The following RC3H1 variants were observed in gnomAD, a reference collection of about 807,000 sequenced individuals.
The protein encoded by RC3H1 is roquin-1.
Under a neutral mutation model 138.2 loss-of-function variants are expected in RC3H1, and 50 were observed. That is an observed-to-expected ratio of 0.36 (90% CI 0.29 to 0.46). The LOEUF (loss-of-function observed/expected upper bound fraction) is 0.46, where lower values mean the gene tolerates loss of function less well. RC3H1 is among the 20% of genes least tolerant of loss of function. The pLI, the probability that RC3H1 is intolerant of heterozygous loss-of-function variation, is 1.00. For missense variants in RC3H1, 1,031 were observed against 1,388.1 expected (o/e 0.74, Z 4.09); for synonymous variants, 462 against 489.1 (o/e 0.94, Z 0.73).
intron 2 of RC3H1, among the ~76,000 whole-genome samples, chr1:173,987,459 T>C (rs992055379): frequency 1.3e-5 from 2 of 152,218 alleles, no homozygotes; most frequent in Admixed American, 1.3e-4. Context: ...GCCTTTGATA[T>C]AGCCCCCATT....
rs1247048174 is a variant in RC3H1, at chr1:173,936,759, ATATTTTTTT to A, written c.*1953_*1961del. Reference sequence around the variant, plus strand: ...TATATATATATATATATATATATATATATTTTTTTTTTTTTTTTTAAAAAAAGAAGACAA... The same window carrying A: ...TATATATATATATATATATATATATATTTTTTTTTTAAAAAAAGAAGACAA... On this transcript the variant is annotated 3_prime_UTR_variant, in exon 20 of 20. Coordinates refer to ENST00000367696, the MANE Select transcript of RC3H1 (RefSeq NM_172071.4). The A allele has an allele frequency of 1.4e-4, 3 of 20,790 alleles. No homozygotes were observed. In the African/African-American group the frequency reaches 2.3e-3, roughly 16 times the overall value. The allele number at this position is 20,790 out of a possible 1,614,324, so 1.3% of individuals were successfully genotyped here.
At chr1:174,003,385 TCACACACACACACACACACA>T (rs3220994) in intron 1 of RC3H1, among the ~76,000 whole-genome samples, 1 of 143,224 alleles carries the variant, frequency 7.0e-6, no homozygotes, top group African/African-American at 2.6e-5. Context: ...AAGACTCCTA[TCACACACACACACACACACA>T]CACACACACA....
chr1:173,962,134 G>A (rs986063507), intron 11 of RC3H1, 39 bp from the exon 12 acceptor site: 1 of 1,532,862 alleles, frequency 6.5e-7, no homozygotes, highest in Non-Finnish European at 8.8e-7. Flanking sequence ...CAAATAATGA[G>A]CCAATTTAGT....
chr1:173,999,778 T>C (rs1443092956), intron 1 of RC3H1, among the ~76,000 whole-genome samples: 1 of 152,226 alleles, frequency 6.6e-6, no homozygotes, highest in Admixed American at 6.5e-5. Context: ...AAAACTAGGA[T>C]ATTATACTTT....
intron 14 of RC3H1, 59 bp from the exon 15 acceptor site, chr1:173,947,641 T>G: frequency 7.7e-7 from 1 of 1,307,082 alleles, no homozygotes; most frequent in Non-Finnish European, 1.1e-6. Flanking sequence ...TAACCTAATT[T>G]TTTCTAGATC....
chr1:174,015,279 C>A (rs1397575845), intron 1 of RC3H1, among the ~76,000 whole-genome samples: 8 of 142,490 alleles, frequency 5.6e-5, no homozygotes, highest in African/African-American at 1.8e-4. Context: ...ACTTCTTAAT[C>A]TAAACTGAGA....
At chr1:173,970,043 T>C (rs1221933720) in intron 9 of RC3H1, among the ~76,000 whole-genome samples, 2 of 152,214 alleles carry the variant, frequency 1.3e-5, no homozygotes, top group Non-Finnish European at 2.9e-5. Flanking sequence ...AAAAATTATG[T>C]ACAGGTTGAA....
At position 173,993,118 on chromosome 1, in the gene RC3H1, C is replaced by T; in HGVS notation, c.-133G>A. Reference sequence around the variant, plus strand: ...ATATCTTCTGTAGATACAGTCAGCACATAGTGTGAAATATAACCTGAAAAT... The same window carrying T: ...ATATCTTCTGTAGATACAGTCAGCATATAGTGTGAAATATAACCTGAAAAT... On this transcript the variant is annotated 5_prime_UTR_variant, in exon 2 of 20. It adds an upstream start codon to the 5' untranslated region. Coordinates refer to ENST00000367696, the MANE Select transcript of RC3H1 (RefSeq NM_172071.4). The T allele has an allele frequency of 1.5e-6, 1 of 646,156 alleles. No individual in the cohort carries two copies. Among genetic ancestry groups the T allele is most frequent in the Admixed American group, 2.9e-5 (1 of 34,104 alleles). The allele number at this position is 646,156 out of a possible 1,614,324, so 40.0% of individuals were successfully genotyped here.
intron 1 of RC3H1, among the ~76,000 whole-genome samples, chr1:173,999,367 CA>C (rs1325476473): frequency 8.6e-6 from 1 of 116,696 alleles, no homozygotes; most frequent in African/African-American, 3.9e-5. Flanking sequence ...GCAATGAGAG[CA>C]AAACTCCACC....
chr1:173,981,378 A>G (rs754014101), intron 5 of RC3H1, among the ~76,000 whole-genome samples: 1 of 152,226 alleles, frequency 6.6e-6, no homozygotes, highest in Non-Finnish European at 1.5e-5. Context: ...AAATGCCCCA[A>G]TGAGCATGTG....
intron 1 of RC3H1, among the ~76,000 whole-genome samples, chr1:174,004,651 CA>C (rs5778791): frequency 0.45 from 50,380 of 111,234 alleles, 11,635 homozygotes; most frequent in African/African-American, 0.7. Context: ...ACTAAAAATA[CA>C]AAAAAAAAAA....
chr1:173,961,385 CA>C (rs1454982818), intron 12 of RC3H1, 141 bp from the exon 13 acceptor site: 2 of 696,512 alleles, frequency 2.9e-6, no homozygotes, highest in East Asian at 5.9e-5. Context: ...CTTAACAGAA[CA>C]AAGTAAAACA....
chr1:173,959,817 C>T (rs1659791931), intron 13 of RC3H1, among the ~76,000 whole-genome samples: 1 of 150,284 alleles, frequency 6.7e-6, no homozygotes, highest in Non-Finnish European at 1.5e-5. Flanking sequence ...TAAGACAACA[C>T]TGTCTAGGCC....
At chr1:173,991,559 A>G (rs1661288025) in intron 2 of RC3H1, among the ~76,000 whole-genome samples, 1 of 152,232 alleles carries the variant, frequency 6.6e-6, no homozygotes, top group South Asian at 2.1e-4. Context: ...ATCTTACAGA[A>G]AAAGCATCTA....
At chr1:173,946,866 T>C in intron 15 of RC3H1, 30 bp from the exon 16 acceptor site, 1 of 1,408,394 alleles carries the variant, frequency 7.1e-7, no homozygotes, top group Non-Finnish European at 1.0e-6. Context: ...TATGGTATAA[T>C]TCACAGATTT....
chr1:173,981,758 G>C (rs1463542459), intron 5 of RC3H1, among the ~76,000 whole-genome samples: 1 of 152,118 alleles, frequency 6.6e-6, no homozygotes, highest in African/African-American at 2.4e-5. Flanking sequence ...TAAAGTGTGA[G>C]ATGCTAGACT....
At position 173,934,964 on chromosome 1, in the gene RC3H1, A is replaced by G. The variant is rs1252336565; in HGVS notation, c.*3757T>C. 6.6e-6 allele frequency: 1 copy of G among 152,246 alleles called. No individual in the cohort carries two copies. The highest frequency in any genetic ancestry group is 1.5e-5 in the Non-Finnish European group (1 of 68,046). The allele number at this position is 152,246 out of a possible 1,614,324, so 9.4% of individuals were successfully genotyped here. Reference sequence around the variant, plus strand: ...TTTAGGCAAAAGAAATACATGGGAAAGAATAGAAGGGAAGGGAAATAAGAT... The same window carrying G: ...TTTAGGCAAAAGAAATACATGGGAAGGAATAGAAGGGAAGGGAAATAAGAT... On this transcript the variant is annotated 3_prime_UTR_variant, in exon 20 of 20. Transcript: ENST00000367696.
chr1:173,992,755 C>T lies in RC3H1; in HGVS notation c.231G>A (p.Gln77=). The T allele has an allele frequency of 6.2e-7, 1 of 1,610,702 alleles. No individual in the cohort carries two copies. The highest frequency in any genetic ancestry group is 8.5e-7 in the Non-Finnish European group (1 of 1,177,586). Residue 77 remains glutamine, a splice_region_variant and synonymous_variant, in exon 2 of 20, where the codon CAG becomes CAA. Coordinates refer to ENST00000367696, the MANE Select transcript of RC3H1 (RefSeq NM_172071.4). ...AAAAGTATTAAGTCACCCATCCTAC[C>T]TGAGCACCCACGAGCTGCAGCAATG... ...NSALLQLVGA[Q]VPEQQPITLC... is the part of the protein sequence containing the mutation.
chr1:173,996,765 TA>T (rs1321316546), intron 1 of RC3H1, among the ~76,000 whole-genome samples: 1 of 152,128 alleles, frequency 6.6e-6, no homozygotes, highest in Non-Finnish European at 1.5e-5. Context: ...CATCGCCCCA[TA>T]AAACCCTCCT....
Sources: allele counts gnomAD v4.1 joint callset (sites outside exome capture counted in the v4.1 genomes callset), GRCh38; gene constraint gnomAD v4.1.1; transcripts MANE v1.5; gene names NCBI Gene and HGNC (gene_info 2026-07-23, HGNC 2026-07-21).